The following LMX1B variants were observed in gnomAD, a reference collection of about 807,000 sequenced individuals.
LMX1B encodes LIM homeobox transcription factor 1 beta, also known as LIM homeobox transcription factor 1-beta.
In LMX1B, 12 loss-of-function variants were observed where a neutral mutation model predicts 51.4. The observed-to-expected ratio is 0.23, with a 90% CI of 0.15 to 0.38. The LOEUF (loss-of-function observed/expected upper bound fraction) is 0.38, where lower values mean the gene tolerates loss of function less well. LMX1B is among the 10% of genes least tolerant of loss of function. LMX1B has a pLI of 1.00. For synonymous variants in LMX1B, 237 were observed against 235.4 expected (o/e 1.01, Z -0.06); for missense variants, 445 against 571.1 (o/e 0.78, Z 2.25).
intron 2 of LMX1B, among the ~76,000 whole-genome samples, chr9:126,670,959 G>A (rs1836438937): frequency 6.6e-6 from 1 of 152,196 alleles, no homozygotes; most frequent in African/African-American, 2.4e-5. Context: ...TGAGGATTGG[G>A]AGCCCAGCAC....
At chr9:126,667,998 G>A (rs1836377273) in intron 2 of LMX1B, among the ~76,000 whole-genome samples, 1 of 152,214 alleles carries the variant, frequency 6.6e-6, no homozygotes, top group African/African-American at 2.4e-5. Context: ...GGAAGAAAGT[G>A]CAGGTGATGA....
intron 2 of LMX1B, among the ~76,000 whole-genome samples, chr9:126,659,943 A>G (rs1173289860): frequency 2.7e-5 from 4 of 148,778 alleles, no homozygotes; most frequent in Admixed American, 2.7e-4. Context: ...AGCCTTAGAG[A>G]TTGTCCTGTG....
rs1431292390 is a variant in LMX1B, at chr9:126,691,083, G to A, written c.559+15G>A. On this transcript the variant is annotated intron_variant, in intron 3 of 7. Transcript: ENST00000373474. Reference sequence around the variant, plus strand: ...GTCCGACTCCGGTGAGGCCTGGCCTGAGCTGGGGGCAGGCCTCAGGGACGG... The same window carrying A: ...GTCCGACTCCGGTGAGGCCTGGCCTAAGCTGGGGGCAGGCCTCAGGGACGG... 1 of 1,589,816 alleles carries A rather than the reference G, an allele frequency of 6.3e-7. No individual in the cohort carries two copies. Among genetic ancestry groups the A allele is most frequent in the Non-Finnish European group, 8.6e-7 (1 of 1,164,522 alleles).
chr9:126,660,794 G>C (rs1836229532), intron 2 of LMX1B, among the ~76,000 whole-genome samples: 1 of 152,202 alleles, frequency 6.6e-6, no homozygotes, highest in Non-Finnish European at 1.5e-5. Context: ...CCCGTAGTGT[G>C]GCTGTGGCGG....
chr9:126,693,503 G>A (rs757767500), intron 4 of LMX1B, 21 bp from the exon 5 acceptor site: 2 of 1,613,036 alleles, frequency 1.2e-6, no homozygotes, highest in African/African-American at 1.3e-5. Context: ...GGCCTGACCT[G>A]TTCCCCTCTC....
chr9:126,648,159 A>T (rs1280754754), intron 2 of LMX1B, among the ~76,000 whole-genome samples: 1 of 152,252 alleles, frequency 6.6e-6, no homozygotes, highest in Non-Finnish European at 1.5e-5. Flanking sequence ...TATAAGAAAA[A>T]TGAACCGTGG....
chr9:126,662,895 A>G (rs866382622), intron 2 of LMX1B, among the ~76,000 whole-genome samples: 1 of 152,222 alleles, frequency 6.6e-6, no homozygotes, highest in Non-Finnish European at 1.5e-5. Context: ...CCTGACAGAC[A>G]GAGGAGACTG....
chr9:126,630,923 G>A (rs1365135196), intron 2 of LMX1B, among the ~76,000 whole-genome samples: 1 of 152,276 alleles, frequency 6.6e-6, no homozygotes, highest in Non-Finnish European at 1.5e-5. Flanking sequence ...CAGGGCAGGC[G>A]TTGTCTGGCC....
chr9:126,689,125 G>A (rs1344896149), intron 2 of LMX1B, among the ~76,000 whole-genome samples: 1 of 152,242 alleles, frequency 6.6e-6, no homozygotes, highest in Non-Finnish European at 1.5e-5. Context: ...TCCCAGAGGA[G>A]GTGGCATTGG....
chr9:126,648,460 G>A (rs1404940745), intron 2 of LMX1B, among the ~76,000 whole-genome samples: 2 of 152,150 alleles, frequency 1.3e-5, no homozygotes, highest in South Asian at 2.1e-4. Flanking sequence ...GGCGGGACCC[G>A]GCTTCAAATC....
intron 2 of LMX1B, among the ~76,000 whole-genome samples, chr9:126,631,522 G>C (rs557307326): frequency 5.3e-5 from 8 of 152,214 alleles, no homozygotes; most frequent in South Asian, 4.2e-4. Context: ...CGGCCGGGAT[G>C]GGGCAGGCCT....
chr9:126,689,310 G>T (rs997792710), intron 2 of LMX1B, among the ~76,000 whole-genome samples: 1 of 152,214 alleles, frequency 6.6e-6, no homozygotes, highest in African/African-American at 2.4e-5. Flanking sequence ...TCTGACGGCA[G>T]CTCCAGGAAG....
chr9:126,629,055 C>T (rs1835586990), intron 2 of LMX1B, among the ~76,000 whole-genome samples: 1 of 151,804 alleles, frequency 6.6e-6, no homozygotes, highest in Admixed American at 6.6e-5. Context: ...TAGTTATGAC[C>T]ACAAAATTAC....
chr9:126,628,417 A>C (rs1205620661), intron 2 of LMX1B, among the ~76,000 whole-genome samples: 1 of 152,178 alleles, frequency 6.6e-6, no homozygotes, highest in East Asian at 1.9e-4. Context: ...GGGAAAAAAG[A>C]GTTTGATATT....
intron 2 of LMX1B, among the ~76,000 whole-genome samples, chr9:126,656,620 G>A (rs1413540813): frequency 6.6e-6 from 1 of 152,198 alleles, no homozygotes; most frequent in Non-Finnish European, 1.5e-5. Flanking sequence ...CTGGAGGGCA[G>A]TGGTGTGTTC....
chr9:126,646,523 G>T (rs1021623335), intron 2 of LMX1B, among the ~76,000 whole-genome samples: 3 of 152,276 alleles, frequency 2.0e-5, no homozygotes, highest in East Asian at 1.9e-4. Flanking sequence ...AAACCTACAG[G>T]CATCACCTGC....
At chr9:126,622,644 C>T (rs887276538) in intron 2 of LMX1B, among the ~76,000 whole-genome samples, 2 of 152,216 alleles carry the variant, frequency 1.3e-5, no homozygotes, top group East Asian at 1.9e-4. Context: ...TGACTCTTGT[C>T]GTGTGATTCC....
intron 2 of LMX1B, among the ~76,000 whole-genome samples, chr9:126,672,563 G>A (rs540727317): frequency 3.4e-4 from 52 of 152,168 alleles, no homozygotes; most frequent in Admixed American, 8.5e-4. Context: ...AATTGGCTGC[G>A]AAGGGACAGG....
chr9:126,662,720 T>C lies in LMX1B; in HGVS notation c.327-28116T>C, dbSNP rs752893133. 6.7e-4 allele frequency among the ~76,000 whole-genome samples: 102 copies of C among 152,164 alleles called. 1 individual carries two copies. Among genetic ancestry groups the C allele is most frequent in the Admixed American group, 1.4e-3 (21 of 15,284 alleles). ...CCCCAAGCTGGGCACAGAGGGCCCA[T>C]TGTTGCTGGGCTCAGCCAGGCCAGG... is the stretch of plus-strand genomic sequence containing the variant. On this transcript the variant is annotated intron_variant, in intron 2 of 7. Coordinates refer to ENST00000373474, the MANE Select transcript of LMX1B (RefSeq NM_001174147.2).
Sources: gnomAD v4.1 joint callset for allele counts (sites outside exome capture counted in the v4.1 genomes callset) on GRCh38, gnomAD v4.1.1 for gene constraint, MANE v1.5 for transcripts, NCBI Gene and HGNC (gene_info 2026-07-23, HGNC 2026-07-21) for gene names.